Variants in PTPRD observed in about 807,000 individuals in gnomAD.
PTPRD encodes the protein protein tyrosine phosphatase receptor type D.
PTPRD carries 34 observed loss-of-function variants against 214.5 expected under a neutral mutation model. The ratio of observed to expected loss-of-function variants is 0.16; its 90% confidence interval spans 0.12 to 0.21. The LOEUF is 0.21. Ranked by LOEUF, PTPRD falls within the 10% of genes least tolerant of loss-of-function variation. The pLI, the probability that PTPRD is intolerant of heterozygous loss-of-function variation, is 1.00. For synonymous variants in PTPRD, 1,128 were observed against 845.7 expected, an observed-to-expected ratio of 1.33 and a Z score of -5.79; for missense variants, 2,545 against 2,398.7, an observed-to-expected ratio of 1.06 and a Z score of -1.27.
chr9:9,037,639 C>T (rs1430520598), intron 10 of PTPRD, among the ~76,000 whole-genome samples: 2 of 152,026 alleles, frequency 1.3e-5, no homozygotes, highest in South Asian at 4.1e-4. Flanking sequence ...GTAAAAGTAC[C>T]CTTGGAATGA....
intron 3 of PTPRD, among the ~76,000 whole-genome samples, chr9:10,099,771 A>C (rs1591165180): frequency 6.6e-6 from 1 of 151,736 alleles, no homozygotes; most frequent in Non-Finnish European, 1.5e-5. Context: ...AACTTATCTT[A>C]AAGATTCAAG....
intron 9 of PTPRD, among the ~76,000 whole-genome samples, chr9:9,189,191 C>T (rs190271995): frequency 6.6e-6 from 1 of 152,096 alleles, no homozygotes; most frequent in African/African-American, 2.4e-5. Flanking sequence ...ATGATTATCA[C>T]ATAGAAGGTG....
intron 35 of PTPRD, among the ~76,000 whole-genome samples, chr9:8,408,044 C>T (rs1339506754): frequency 6.6e-6 from 1 of 152,094 alleles, no homozygotes; most frequent in East Asian, 1.9e-4. Flanking sequence ...ATGAGTAAGA[C>T]CCTAATTGCT....
chr9:9,677,221 G>C (rs2096951499), intron 7 of PTPRD, among the ~76,000 whole-genome samples: 1 of 152,030 alleles, frequency 6.6e-6, no homozygotes, highest in African/African-American at 2.4e-5. Context: ...TGTCCTGAAT[G>C]GTATTGCCTA....
intron 10 of PTPRD, among the ~76,000 whole-genome samples, chr9:9,162,272 T>C (rs1275185310): frequency 6.6e-6 from 1 of 152,142 alleles, no homozygotes; most frequent in East Asian, 1.9e-4. Context: ...ACCCAGGCTC[T>C]CAACAGTGCC....
chr9:9,749,307 C>A (rs1342111581), intron 6 of PTPRD, among the ~76,000 whole-genome samples: 2 of 152,154 alleles, frequency 1.3e-5, no homozygotes, highest in Admixed American at 1.3e-4. Flanking sequence ...GTTGGCTTAA[C>A]TCAGTGGTAG....
intron 3 of PTPRD, among the ~76,000 whole-genome samples, chr9:10,137,916 C>T (rs1417537044): frequency 6.6e-6 from 1 of 151,894 alleles, no homozygotes; most frequent in Non-Finnish European, 1.5e-5. Context: ...ATGTATAGTG[C>T]TAAACACCTA....
At chr9:9,807,767 A>G (rs2045893549) in intron 5 of PTPRD, among the ~76,000 whole-genome samples, 1 of 152,194 alleles carries the variant, frequency 6.6e-6, no homozygotes, top group African/African-American at 2.4e-5. Context: ...CCTGGAAAAC[A>G]TAGGATTTCT....
chr9:10,190,871 C>T (rs1046495687), intron 3 of PTPRD, among the ~76,000 whole-genome samples: 1 of 151,966 alleles, frequency 6.6e-6, no homozygotes, highest in Non-Finnish European at 1.5e-5. Flanking sequence ...TGGGGTTTAC[C>T]TGTGGCCAGC....
intron 8 of PTPRD, among the ~76,000 whole-genome samples, chr9:9,439,110 A>G (rs2086483553): frequency 6.6e-6 from 1 of 152,184 alleles, no homozygotes; most frequent in East Asian, 1.9e-4. Context: ...AAAGTAGTAT[A>G]AAGTAGCATT....
chr9:8,799,391 G>A (rs923857204), intron 11 of PTPRD, among the ~76,000 whole-genome samples: 1 of 152,234 alleles, frequency 6.6e-6, no homozygotes, highest in Non-Finnish European at 1.5e-5. Context: ...GACCCCTGAA[G>A]TTCTTTGAAG....
intron 2 of PTPRD, among the ~76,000 whole-genome samples, chr9:10,362,318 C>A (rs1430309264): frequency 6.8e-6 from 1 of 147,264 alleles, no homozygotes; most frequent in Non-Finnish European, 1.5e-5. Context: ...ATCTTCACAA[C>A]AATCCTCTGA....
chr9:10,032,998 C>T (rs2097110799), intron 4 of PTPRD, among the ~76,000 whole-genome samples: 1 of 151,776 alleles, frequency 6.6e-6, no homozygotes, highest in Non-Finnish European at 1.5e-5. Context: ...AGAAGTGCTG[C>T]TGAGTCTGTA....
intron 8 of PTPRD, among the ~76,000 whole-genome samples, chr9:9,515,205 G>A (rs1590368309): frequency 6.6e-6 from 1 of 152,166 alleles, no homozygotes; most frequent in East Asian, 1.9e-4. Flanking sequence ...TTCAATCTAT[G>A]CCTGTAGCTT....
intron 2 of PTPRD, among the ~76,000 whole-genome samples, chr9:10,397,850 A>T (rs1018703906): frequency 1.3e-5 from 2 of 151,974 alleles, no homozygotes; most frequent in African/African-American, 4.8e-5. Flanking sequence ...AGGCAATATC[A>T]TATAGGTTTG....
At chr9:8,809,011 G>A (rs973267360) in intron 11 of PTPRD, among the ~76,000 whole-genome samples, 6 of 152,080 alleles carry the variant, frequency 3.9e-5, no homozygotes, top group Admixed American at 6.6e-5. Context: ...ACAAAAGAAC[G>A]GAAGGAAAGT....
At chr9:9,487,326 T>TGTA in intron 8 of PTPRD, among the ~76,000 whole-genome samples, 1 of 152,208 alleles carries the variant, frequency 6.6e-6, no homozygotes, top group Middle Eastern at 3.4e-3. Flanking sequence ...TTTTTTGTCC[T>TGTA]TGCGATAGTT....
chr9:10,167,327 G>C (rs7032659), intron 3 of PTPRD, among the ~76,000 whole-genome samples: 4 of 151,790 alleles, frequency 2.6e-5, no homozygotes, highest in Admixed American at 2.6e-4. Context: ...ATGCGTGCAC[G>C]TCTAAATAAA....
At chr9:9,334,082 A>G (rs2043452068) in intron 9 of PTPRD, among the ~76,000 whole-genome samples, 1 of 151,994 alleles carries the variant, frequency 6.6e-6, no homozygotes, top group African/African-American at 2.4e-5. Flanking sequence ...GCCTAAGTGT[A>G]TATGCCCGTA....
Sources: allele counts gnomAD v4.1 joint callset (sites outside exome capture counted in the v4.1 genomes callset), GRCh38; gene constraint gnomAD v4.1.1; transcripts MANE v1.5; gene names NCBI Gene and HGNC (gene_info 2026-07-23, HGNC 2026-07-21).